Variants in SOCS5 observed in about 807,000 individuals in gnomAD.
SOCS5 encodes suppressor of cytokine signaling 5.
A neutral mutation model predicts 42.8 loss-of-function variants in SOCS5; 32 were observed. That is an observed-to-expected ratio of 0.75 (90% CI 0.56 to 1.01). SOCS5 has a LOEUF of 1.01. Among genes scored for constraint, SOCS5 ranks in the 50% least tolerant of loss-of-function variants. SOCS5 has a pLI of 0.00. For missense variants in SOCS5, 627 were observed against 653.0 expected (o/e 0.96, Z 0.43); for synonymous variants, 283 against 229.6 (o/e 1.23, Z -2.10).
chr2:46,716,233 A>G (rs1672739774), intron 1 of SOCS5, among the ~76,000 whole-genome samples: 1 of 150,772 alleles, frequency 6.6e-6, no homozygotes, highest in Non-Finnish European at 1.5e-5. Flanking sequence ...ACTCTTTTCT[A>G]ATAGCTGTTA....
Position 46,759,788 on chromosome 2 carries a change from C to T in SOCS5, c.1258C>T (p.Arg420Cys), listed in dbSNP as rs1673820585. 1 of 1,614,098 alleles carries T rather than the reference C, an allele frequency of 6.2e-7. No homozygotes were observed. Among genetic ancestry groups the T allele is most frequent in the Non-Finnish European group, 8.5e-7 (1 of 1,180,014 alleles). The stretch of plus-strand genomic sequence containing the variant: ...GGACTACCTCTTCTCTGTGAGCTTC[C>T]GCCGCTACAACAGATCCCTGCATGC... ...QEDYLFSVSF[R>C]RYNRSLHARI... The change falls in exon 2 of 2, where the codon CGC becomes TGC. Residue 420 changes from arginine (R) to cysteine (C), a missense_variant. Arg to Cys is a radical substitution (Grantham distance 180, BLOSUM62 -3). This residue lies in a region of SOCS5 where 340 missense variants were observed against 367.6 expected (regional missense o/e 0.92). Coordinates refer to ENST00000394861, the MANE Select transcript of SOCS5 (RefSeq NM_144949.3).
rs775754549 is a variant in SOCS5 at position 46,759,560 on chromosome 2, T to C, written c.1030T>C (p.Ser344Pro). Reference sequence around the variant, plus strand: ...ACGGAGGCAGAAGCAGCGTCAGATATCTGGAGACAGCCATACCCATGTTAG... The same window carrying C: ...ACGGAGGCAGAAGCAGCGTCAGATACCTGGAGACAGCCATACCCATGTTAG... The part of the protein sequence containing the change: ...QSRRQKQRQI[S>P]GDSHTHVSRQ... Residue 344 changes from serine to proline, a missense_variant, in exon 2 of 2, where the codon TCT becomes CCT. Around this residue, in one of 3 missense-constraint regions of SOCS5, gnomAD observed 340 missense variants for 367.6 expected, o/e 0.92. Coordinates refer to ENST00000394861, the MANE Select transcript of SOCS5 (RefSeq NM_144949.3). The C allele has an allele frequency of 8.1e-6, 13 of 1,613,790 alleles. No individual in the cohort carries two copies. Among genetic ancestry groups the C allele is most frequent in the Non-Finnish European group, 5.1e-6 (6 of 1,179,858 alleles).
In SOCS5 at chr2:46,758,665, C is replaced by T; in HGVS notation, c.135C>T (p.Ile45=). 1 of 1,614,128 alleles carries T rather than the reference C, an allele frequency of 6.2e-7. No individual in the cohort carries two copies. Among genetic ancestry groups the T allele is most frequent in the Non-Finnish European group, 8.5e-7 (1 of 1,179,994 alleles). Residue 45 remains isoleucine (I), a synonymous_variant, in exon 2 of 2, where the codon ATC becomes ATT. Transcript: ENST00000394861. The stretch of plus-strand genomic sequence containing the variant: ...GTTTGTCTGTCAAAGAGAAAAACAT[C>T]AGCATAGGAGACTCAACTCCTCAGC... ...NRCLSVKEKN[I]SIGDSTPQQQ...
intron 1 of SOCS5, among the ~76,000 whole-genome samples, chr2:46,743,403 T>C (rs1318009830): frequency 6.6e-6 from 1 of 152,202 alleles, no homozygotes; most frequent in Admixed American, 6.5e-5. Flanking sequence ...TGCCTCCCTT[T>C]TTAGACCATA....
rs3768719 is a variant in SOCS5, at chr2:46,760,796, T to G, written c.*655T>G. 0.5 allele frequency: 84,303 copies of G among 166,956 alleles called. 22,552 individuals are homozygous for G. The highest frequency in any genetic ancestry group is 0.67 in the African/African-American group (27,778 of 41,484). The allele number at this position is 166,956 out of a possible 1,614,324, so 10.3% of individuals were successfully genotyped here. ...GACTTACAAAGCTAGTAGTAGAATTTTATTGAAAGGCCTAGGTATTAATTT... is the reference window on the plus strand; with the variant it reads ...GACTTACAAAGCTAGTAGTAGAATTGTATTGAAAGGCCTAGGTATTAATTT... On this transcript the variant is annotated 3_prime_UTR_variant, in exon 2 of 2. Coordinates refer to ENST00000394861, the MANE Select transcript of SOCS5 (RefSeq NM_144949.3).
At chr2:46,752,096 T>TG (rs1673634858) in intron 1 of SOCS5, among the ~76,000 whole-genome samples, 1 of 152,004 alleles carries the variant, frequency 6.6e-6, no homozygotes, top group Non-Finnish European at 1.5e-5. Flanking sequence ...ATTTACTGCC[T>TG]GGCCTTTTGG....
At chr2:46,746,944 G>A (rs1267741266) in intron 1 of SOCS5, among the ~76,000 whole-genome samples, 1 of 19,354 alleles carries the variant, frequency 5.2e-5, no homozygotes, top group African/African-American at 1.5e-4. Context: ...TTTTTTTTTT[G>A]CCTTATTGAG....
chr2:46,737,517 G>A (rs1361735818), intron 1 of SOCS5, among the ~76,000 whole-genome samples: 1 of 152,090 alleles, frequency 6.6e-6, no homozygotes, highest in Non-Finnish European at 1.5e-5. Context: ...ATTATTTTTG[G>A]ATGCTTGGTT....
intron 1 of SOCS5, among the ~76,000 whole-genome samples, chr2:46,753,853 G>C (rs535072713): frequency 6.6e-6 from 1 of 152,262 alleles, no homozygotes. Context: ...AGCTGTCATG[G>C]TGCTGGTGGG....
intron 1 of SOCS5, among the ~76,000 whole-genome samples, chr2:46,736,633 G>A (rs765168458): frequency 6.6e-6 from 1 of 152,110 alleles, no homozygotes; most frequent in Non-Finnish European, 1.5e-5. Context: ...GTACATCCAT[G>A]TTGTAGCATG....
intron 1 of SOCS5, among the ~76,000 whole-genome samples, chr2:46,741,758 G>A (rs1049220061): frequency 4.6e-5 from 7 of 151,988 alleles, no homozygotes; most frequent in Non-Finnish European, 1.0e-4. Flanking sequence ...GCATGTAAAG[G>A]CACCAGAATT....
intron 1 of SOCS5, among the ~76,000 whole-genome samples, chr2:46,738,989 A>C (rs1673312456): frequency 6.6e-6 from 1 of 152,252 alleles, no homozygotes; most frequent in Admixed American, 6.5e-5. Context: ...ATCAATGAGC[A>C]TTATATTCTT....
At chr2:46,719,477 G>A (rs935630598) in intron 1 of SOCS5, among the ~76,000 whole-genome samples, 3 of 151,834 alleles carry the variant, frequency 2.0e-5, no homozygotes, top group Non-Finnish European at 4.4e-5. Context: ...TTTTTCTAGA[G>A]CTGGTTTTAA....
At chr2:46,712,445 G>A (rs1184149160) in intron 1 of SOCS5, among the ~76,000 whole-genome samples, 1 of 146,646 alleles carries the variant, frequency 6.8e-6, no homozygotes, top group Admixed American at 7.2e-5. Flanking sequence ...CTGGGTTCAA[G>A]CGATTCTTCT....
At chr2:46,724,360 G>C (rs1433738626) in intron 1 of SOCS5, among the ~76,000 whole-genome samples, 1 of 151,836 alleles carries the variant, frequency 6.6e-6, no homozygotes, top group Non-Finnish European at 1.5e-5. Flanking sequence ...TAGAGTGAAA[G>C]CATTCAGGCT....
chr2:46,734,891 C>A (rs1348783951), intron 1 of SOCS5, among the ~76,000 whole-genome samples: 1 of 152,182 alleles, frequency 6.6e-6, no homozygotes, highest in East Asian at 1.9e-4. Context: ...TTGTCTTTTA[C>A]TTGACATCAT....
intron 1 of SOCS5, among the ~76,000 whole-genome samples, chr2:46,729,543 G>A (rs917832366): frequency 3.3e-5 from 5 of 152,146 alleles, no homozygotes; most frequent in Non-Finnish European, 7.4e-5. Flanking sequence ...TATCACAATG[G>A]TAAGTATTTA....
intron 1 of SOCS5, among the ~76,000 whole-genome samples, chr2:46,720,980 G>T (rs914596306): frequency 6.6e-6 from 1 of 152,170 alleles, no homozygotes; most frequent in Non-Finnish European, 1.5e-5. Context: ...TTCTGCTCCT[G>T]CCTGCTCCTG....
chr2:46,756,649 A>G (rs919696528), intron 1 of SOCS5, among the ~76,000 whole-genome samples: 2 of 152,254 alleles, frequency 1.3e-5, no homozygotes, highest in Admixed American at 6.5e-5. Flanking sequence ...CCTTGAAACT[A>G]CAAATATATG....
Sources: allele counts gnomAD v4.1 joint callset (sites outside exome capture counted in the v4.1 genomes callset), GRCh38; gene constraint gnomAD v4.1.1; regional missense constraint gnomAD v4.1.1; transcripts MANE v1.5; gene names NCBI Gene and HGNC (gene_info 2026-07-23, HGNC 2026-07-21).